Variants in RNF6 observed in about 807,000 individuals in gnomAD.
RNF6 encodes the protein ring finger protein 6, also known as E3 ubiquitin-protein ligase RNF6.
RNF6 carries 21 observed loss-of-function variants against 50.1 expected under a neutral mutation model. The observed-to-expected ratio is 0.42, with a 90% CI of 0.30 to 0.60. RNF6 has a LOEUF of 0.60. RNF6 is among the 20% of genes least tolerant of loss of function. RNF6 has a pLI of 0.20. For synonymous variants in RNF6, 255 were observed against 291.8 expected (o/e 0.87, Z 1.29); for missense variants, 698 against 838.2 (o/e 0.83, Z 2.07).
At chr13:26,222,364 C>T (rs767452015), upstream of RNF6, 1 of 152,282 alleles carries the variant, frequency 6.6e-6, no homozygotes. Context: ...CGCGTTCCGC[C>T]CTCTTGCGCC....
intron 5 of RNF6, among the ~76,000 whole-genome samples, chr13:26,203,658 GCT>G (rs1235202827): frequency 3.9e-5 from 6 of 152,208 alleles, no homozygotes; most frequent in African/African-American, 1.4e-4. Flanking sequence ...ATCCTGGAGA[GCT>G]CTCTTAGAAC....
intron 5 of RNF6, among the ~76,000 whole-genome samples, chr13:26,137,454 T>C (rs146176283): frequency 1.2e-4 from 19 of 152,164 alleles, no homozygotes; most frequent in Admixed American, 2.0e-4. Context: ...CAAGTAAGTA[T>C]CTTGCATCTT....
At chr13:26,205,623 C>T (rs944411037) in intron 5 of RNF6, among the ~76,000 whole-genome samples, 1 of 152,170 alleles carries the variant, frequency 6.6e-6, no homozygotes, top group African/African-American at 2.4e-5. Context: ...AAGGTGTTTA[C>T]TAACATCAGT....
intron 5 of RNF6, among the ~76,000 whole-genome samples, chr13:26,194,934 G>A (rs1008951251): frequency 2.0e-4 from 31 of 152,144 alleles, no homozygotes; most frequent in African/African-American, 6.8e-4. Context: ...TTCCCAGCCC[G>A]TGGACTCAAA....
rs1261207201 is a variant in RNF6, at chr13:26,204,677, A to G, written n.768+10797T>C. 3.9e-5 allele frequency among the ~76,000 whole-genome samples: 6 copies of G among 152,182 alleles called. No homozygotes were observed. The East Asian group carries it at 5.8e-4, about 15-fold the overall frequency. ...CATCTTCTCCTAGGCCTGAGATTCT[A>G]TAAGTCTGTACTCATCACCTAAATA... On this transcript the variant is annotated intron_variant and non_coding_transcript_variant, in intron 5 of 5. Coordinates refer to the RNF6 transcript ENST00000468480.
intron 5 of RNF6, among the ~76,000 whole-genome samples, chr13:26,165,422 C>T (rs943186199): frequency 2.0e-5 from 3 of 152,222 alleles, no homozygotes; most frequent in African/African-American, 7.2e-5. Context: ...TAGGGAGTCT[C>T]TACTGCGGCA....
intron 5 of RNF6, among the ~76,000 whole-genome samples, chr13:26,167,167 C>G (rs1007934252): frequency 1.3e-5 from 2 of 152,112 alleles, no homozygotes; most frequent in African/African-American, 4.8e-5. Flanking sequence ...GATGAAGATG[C>G]CAAAAGCAAT....
rs1870254661 is a variant in RNF6, at chr13:26,219,553, G to A, written c.97C>T (p.Arg33Cys). 7 of 1,613,740 alleles carry A rather than the reference G, an allele frequency of 4.3e-6. No individual in the cohort carries two copies. Among genetic ancestry groups the A allele is most frequent in the Admixed American group, 1.7e-5 (1 of 59,984 alleles). ...HENERRWQQERLHREEAYYQF... is the reference protein window; with the variant it reads ...HENERRWQQECLHREEAYYQF... ...TAATAGGCCTCTTCTCTGTGGAGAC[G>A]CTCTTGCTGCCATCTTCTCTCATTT... The change falls in exon 3 of 5, where the codon CGT becomes TGT. Residue 33 changes from arginine (R) to cysteine (C), a missense_variant. Coordinates refer to ENST00000381588, the MANE Select transcript of RNF6 (RefSeq NM_005977.4).
At chr13:26,165,075 G>T (rs1019062405) in intron 5 of RNF6, among the ~76,000 whole-genome samples, 4 of 152,150 alleles carry the variant, frequency 2.6e-5, no homozygotes, top group Admixed American at 2.6e-4. Flanking sequence ...GGAAAAAGTG[G>T]TTTCGTGAGC....
In RNF6 at chr13:26,218,522, G is replaced by A. The variant is rs1200137973; in HGVS notation, c.278C>T (p.Thr93Met). 8.1e-6 allele frequency: 13 copies of A among 1,612,896 alleles called. No individual in the cohort carries two copies. The highest frequency in any genetic ancestry group is 1.3e-5 in the African/African-American group (1 of 74,854). The change falls in exon 4 of 5, where the codon ACG becomes ATG. Residue 93 changes from threonine (T) to methionine (M), a missense_variant. Thr to Met is a moderately conservative substitution (Grantham distance 81). Transcript: ENST00000381588. ...LASQPDLRDG[T>M]NYRDSEVPRE... ...GGACTCCATAGTACCTCTGTAATTC[G>A]TTCCATCTCTCAAGTCAGGCTGAGA...
At chr13:26,171,551 T>C (rs1293240572) in intron 5 of RNF6, among the ~76,000 whole-genome samples, 1 of 152,192 alleles carries the variant, frequency 6.6e-6, no homozygotes, top group African/African-American at 2.4e-5. Flanking sequence ...TCTAGGTATA[T>C]AGCCAAAAGA....
In RNF6 at chr13:26,214,533, C is replaced by G. The variant is rs749224302; in HGVS notation, c.1349G>C (p.Arg450Pro). 6.2e-7 allele frequency: 1 copy of G among 1,613,982 alleles called. No individual in the cohort carries two copies. The highest frequency in any genetic ancestry group is 1.3e-5 in the African/African-American group (1 of 74,934). ...ACTAACATAGGTTCGAATACCTGAC[C>G]GCTCTAAACGAGAAATGGTTCGGCG... Reference protein sequence around the residue: ...GFRRTISRLERSGIRTYVSTI... With the variant: ...GFRRTISRLEPSGIRTYVSTI... Residue 450 changes from arginine to proline, a missense_variant, in exon 5 of 5, where the codon CGG becomes CCG. Physicochemically the swap from Arg to Pro is moderately radical, Grantham distance 103 (BLOSUM62 -2). Transcript: ENST00000381588.
intron 5 of RNF6, among the ~76,000 whole-genome samples, chr13:26,206,526 A>T (rs1037056228): frequency 6.6e-6 from 1 of 152,170 alleles, no homozygotes; most frequent in African/African-American, 2.4e-5. Context: ...CTGCACTTGA[A>T]TAGTATTTCA....
At chr13:26,172,583 G>A (rs1010581475) in intron 5 of RNF6, among the ~76,000 whole-genome samples, 22 of 147,088 alleles carry the variant, frequency 1.5e-4, no homozygotes, top group African/African-American at 2.8e-4. Flanking sequence ...TTGCTCTGTC[G>A]CCCAGGCTGG....
chr13:26,132,699 G>T (rs1218760089), intron 5 of RNF6, among the ~76,000 whole-genome samples: 2 of 152,198 alleles, frequency 1.3e-5, no homozygotes. Context: ...TTCATCACCT[G>T]TACTGAAAGT....
At chr13:26,184,018 A>ATATTTTTTTTT (rs1335766541) in intron 5 of RNF6, among the ~76,000 whole-genome samples, 1 of 33,942 alleles carries the variant, frequency 2.9e-5, no homozygotes, top group African/African-American at 9.3e-5. Flanking sequence ...ATATATATAT[A>ATATTTTTTTTT]TTTTTTTTTT....
intron 5 of RNF6, among the ~76,000 whole-genome samples, chr13:26,193,314 A>G (rs891121028): frequency 1.3e-5 from 2 of 152,190 alleles, no homozygotes; most frequent in Non-Finnish European, 2.9e-5. Context: ...TTAAAAAAAA[A>G]ATGAGGAGCC....
At chr13:26,164,897 T>C (rs1029161100) in intron 5 of RNF6, among the ~76,000 whole-genome samples, 2 of 152,082 alleles carry the variant, frequency 1.3e-5, no homozygotes, top group Non-Finnish European at 2.9e-5. Flanking sequence ...GATGATGCAG[T>C]AGAAAAGAAA....
chr13:26,194,796 C>G (rs117860153), intron 5 of RNF6, among the ~76,000 whole-genome samples: 3,867 of 152,276 alleles, frequency 0.025, 58 homozygotes, highest in Middle Eastern at 0.071. Context: ...GGGTCCAGCA[C>G]TGGAGAAAGA....
Sources: allele counts gnomAD v4.1 joint callset (sites outside exome capture counted in the v4.1 genomes callset), GRCh38; gene constraint gnomAD v4.1.1; transcripts MANE v1.5; gene names NCBI Gene and HGNC (gene_info 2026-07-23, HGNC 2026-07-21).